FHIT: variants seen among roughly 807,000 people sequenced by gnomAD.
FHIT encodes fragile histidine triad diadenosine triphosphatase, also known as bis(5'-adenosyl)-triphosphatase.
Under a neutral mutation model 17.9 loss-of-function variants are expected in FHIT, and 19 were observed. The ratio of observed to expected loss-of-function variants is 1.06; its 90% CI spans 0.74 to 1.56. FHIT has a LOEUF of 1.56. FHIT is among the 40% of genes most tolerant of loss of function. The pLI, the probability that FHIT is intolerant of heterozygous loss-of-function variation, is 0.00. For synonymous variants in FHIT, 81 were observed against 69.7 expected (o/e 1.16, Z -0.81); for missense variants, 248 against 189.2 (o/e 1.31, Z -1.82).
chr3:60,196,589 T>G (rs1450741081), intron 5 of FHIT, among the ~76,000 whole-genome samples: 12 of 152,080 alleles, frequency 7.9e-5, no homozygotes, highest in South Asian at 2.1e-4. Context: ...TAATACCTCT[T>G]TGGGGGATCA....
At chr3:61,212,704 A>C (rs1422696055) in intron 1 of FHIT, among the ~76,000 whole-genome samples, 1 of 152,240 alleles carries the variant, frequency 6.6e-6, no homozygotes, top group Non-Finnish European at 1.5e-5. Flanking sequence ...TAATTGTCAG[A>C]TTCACCAAAG....
intron 5 of FHIT, among the ~76,000 whole-genome samples, chr3:60,474,297 T>C (rs1327542536): frequency 3.3e-5 from 5 of 152,186 alleles, no homozygotes; most frequent in African/African-American, 4.8e-5. Context: ...TCATATTACA[T>C]TAACTTGAAA....
At chr3:59,775,659 G>C (rs996051556) in intron 8 of FHIT, among the ~76,000 whole-genome samples, 1 of 152,200 alleles carries the variant, frequency 6.6e-6, no homozygotes, top group African/African-American at 2.4e-5. Flanking sequence ...CTGTATGTGA[G>C]GATGAGGGTG....
intron 2 of FHIT, among the ~76,000 whole-genome samples, chr3:61,079,098 A>G (rs1463390618): frequency 6.6e-6 from 1 of 152,172 alleles, no homozygotes; most frequent in Non-Finnish European, 1.5e-5. Context: ...AAATGCATTA[A>G]ATCCTCCTCA....
At chr3:61,167,895 G>C (rs911723418) in intron 2 of FHIT, among the ~76,000 whole-genome samples, 13 of 152,102 alleles carry the variant, frequency 8.5e-5, no homozygotes, top group Non-Finnish European at 1.9e-4. Context: ...CCCAATTTCA[G>C]TGAGGTGAGA....
intron 5 of FHIT, among the ~76,000 whole-genome samples, chr3:60,498,148 C>G (rs2034377700): frequency 6.6e-6 from 1 of 152,096 alleles, no homozygotes; most frequent in Non-Finnish European, 1.5e-5. Context: ...ATAGTTTCGC[C>G]AACACCAAGA....
At chr3:60,480,728 G>C (rs1364377022) in intron 5 of FHIT, among the ~76,000 whole-genome samples, 1 of 152,198 alleles carries the variant, frequency 6.6e-6, no homozygotes, top group African/African-American at 2.4e-5. Flanking sequence ...GCTCATGCAG[G>C]AAGAGGGATC....
chr3:61,194,442 A>G (rs1053411217), intron 2 of FHIT, among the ~76,000 whole-genome samples: 2 of 152,072 alleles, frequency 1.3e-5, no homozygotes, highest in African/African-American at 4.8e-5. Context: ...TAGTTATTTA[A>G]TATTTTCCTT....
intron 4 of FHIT, among the ~76,000 whole-genome samples, chr3:60,784,151 C>G (rs77041215): frequency 0.037 from 5,669 of 152,140 alleles, 130 homozygotes; most frequent in South Asian, 0.067. Context: ...TCAATATAGA[C>G]CTGCCAATAG....
intron 4 of FHIT, among the ~76,000 whole-genome samples, chr3:60,725,065 A>C (rs2041890647): frequency 6.6e-6 from 1 of 152,108 alleles, no homozygotes; most frequent in African/African-American, 2.4e-5. Context: ...TGGGCTTATT[A>C]GCCATTTGCA....
chr3:61,082,475 ATGT>A (rs2035170160), intron 2 of FHIT, among the ~76,000 whole-genome samples: 1 of 152,198 alleles, frequency 6.6e-6, no homozygotes, highest in Admixed American at 6.5e-5. Context: ...ATTCATTCTA[ATGT>A]TGATGACCAT....
chr3:60,330,465 T>C (rs1396738618), intron 5 of FHIT, among the ~76,000 whole-genome samples: 3 of 152,210 alleles, frequency 2.0e-5, no homozygotes, highest in Admixed American at 6.5e-5. Flanking sequence ...AAATTCGGCA[T>C]GTGTGCCCAT....
chr3:59,844,381 G>A (rs1701640077), intron 8 of FHIT, among the ~76,000 whole-genome samples: 2 of 152,098 alleles, frequency 1.3e-5, no homozygotes, highest in South Asian at 2.1e-4. Flanking sequence ...TGATCATAGA[G>A]GCAAATCTTT....
chr3:60,729,707 C>T (rs1352304196), intron 4 of FHIT, among the ~76,000 whole-genome samples: 2 of 151,936 alleles, frequency 1.3e-5, no homozygotes, highest in East Asian at 1.9e-4. Flanking sequence ...TGCTGATTTC[C>T]TGAACTAACT....
intron 8 of FHIT, among the ~76,000 whole-genome samples, chr3:59,903,822 G>A (rs1233346376): frequency 1.3e-5 from 2 of 152,174 alleles, no homozygotes. Flanking sequence ...GAATGCAAGG[G>A]ATAAGTTGAA....
intron 1 of FHIT, among the ~76,000 whole-genome samples, chr3:61,222,110 A>ACTCT (rs916679191): frequency 6.6e-6 from 1 of 151,904 alleles, no homozygotes; most frequent in Non-Finnish European, 1.5e-5. Flanking sequence ...CATCTGGAAG[A>ACTCT]CTCTCTAGTC....
intron 4 of FHIT, among the ~76,000 whole-genome samples, chr3:60,593,709 A>T (rs1365989866): frequency 6.6e-6 from 1 of 152,104 alleles, no homozygotes; most frequent in African/African-American, 2.4e-5. Flanking sequence ...CCTATGAACA[A>T]AGCAGACAGA....
intron 3 of FHIT, among the ~76,000 whole-genome samples, chr3:60,999,805 TATC>T (rs2030940139): frequency 6.6e-6 from 1 of 151,966 alleles, no homozygotes; most frequent in Non-Finnish European, 1.5e-5. Flanking sequence ...TTGTAAAAAA[TATC>T]ATAAACAACA....
chr3:60,454,579 T>C lies in FHIT; in HGVS notation c.103+82281A>G, dbSNP rs546897896. 2.4e-4 allele frequency among the ~76,000 whole-genome samples: 36 copies of C among 152,024 alleles called. No individual in the cohort carries two copies. The East Asian group carries it at 6.8e-3, about 29-fold the overall frequency. On this transcript the variant is annotated intron_variant, in intron 5 of 9. Transcript: ENST00000492590. The stretch of plus-strand genomic sequence containing the variant: ...TTTGGTATTTTTAGTAGAGATGGGG[T>C]TTCACCGTGTTAGCCAGGATGGTCT...
Sources: gnomAD v4.1 joint callset for allele counts (sites outside exome capture counted in the v4.1 genomes callset) on GRCh38, gnomAD v4.1.1 for gene constraint, MANE v1.5 for transcripts, NCBI Gene and HGNC (gene_info 2026-07-23, HGNC 2026-07-21) for gene names.